The following LMAN1 variants were observed in gnomAD, a reference collection of about 807,000 sequenced individuals.
LMAN1 encodes lectin, mannose binding 1, also known as protein ERGIC-53.
Under a neutral mutation model 67.8 loss-of-function variants are expected in LMAN1, and 32 were observed. That is an observed-to-expected ratio of 0.47 (90% CI 0.36 to 0.63). The LOEUF is 0.63. LMAN1 is among the 30% of genes least tolerant of loss of function. The probability of loss-of-function intolerance (pLI) is 0.00; values close to 1 mark genes in which losing one functional copy is unlikely to be tolerated. For synonymous variants in LMAN1, 235 were observed against 219.3 expected (o/e 1.07, Z -0.63); for missense variants, 632 against 628.2 (o/e 1.01, Z -0.06).
At chr18:59,344,116 G>A (rs1908347656) in intron 8 of LMAN1, among the ~76,000 whole-genome samples, 1 of 152,090 alleles carries the variant, frequency 6.6e-6, no homozygotes, top group Admixed American at 6.5e-5. Flanking sequence ...AGTCACAATG[G>A]CCATTATTAA....
rs1908224144 is a variant in LMAN1, at chr18:59,338,872, T to C, written c.1037A>G (p.Lys346Arg). 6.2e-7 allele frequency: 1 copy of C among 1,613,752 alleles called. No homozygotes were observed. Among genetic ancestry groups the C allele is most frequent in the Non-Finnish European group, 8.5e-7 (1 of 1,179,942 alleles). ...CATATCTAACTGCCGGTTCAGCTGC[T>C]TGATTTCAAGATGAATACGATTCTG... ...EGQNRIHLEI[K>R]QLNRQLDMIL... is the part of the protein sequence containing the mutation. The change falls in exon 9 of 13, where the codon AAG becomes AGG. Residue 346 changes from lysine to arginine, a missense_variant. Transcript: ENST00000251047.
chr18:59,336,622 G>A (rs567319117), intron 10 of LMAN1, among the ~76,000 whole-genome samples: 5 of 152,294 alleles, frequency 3.3e-5, no homozygotes, highest in East Asian at 1.9e-4. Context: ...GGTGGCTCAC[G>A]CCTGTAATCC....
In LMAN1 at chr18:59,330,089, T is replaced by A. The variant is rs1465317891; in HGVS notation, c.*1004A>T. The A allele has an allele frequency of 1.3e-5, 2 of 152,544 alleles. No homozygotes were observed. The highest frequency in any genetic ancestry group is 2.9e-5 in the Non-Finnish European group (2 of 68,006). 9.4% of individuals were successfully genotyped at this position (152,544 alleles called of 1,614,324 possible). A position where few individuals can be genotyped will look rare whatever the true frequency, so the allele number is the denominator to read the frequency against. ...TAGAAGTATTCACTGTTTTTCAAATTTTGCCTTCAAGAATCTTAAAACTGC... is the reference window on the plus strand; with the variant it reads ...TAGAAGTATTCACTGTTTTTCAAATATTGCCTTCAAGAATCTTAAAACTGC... On this transcript the variant is annotated 3_prime_UTR_variant, in exon 13 of 13. Coordinates refer to ENST00000251047, the MANE Select transcript of LMAN1 (RefSeq NM_005570.4).
At chr18:59,340,128 A>G (rs1304194187) in intron 8 of LMAN1, among the ~76,000 whole-genome samples, 8 of 152,146 alleles carry the variant, frequency 5.3e-5, no homozygotes, top group Non-Finnish European at 8.8e-5. Context: ...ACAAGGCACA[A>G]TTTTGAGAGT....
rs117654271 is a variant in LMAN1 at position 59,358,204 on chromosome 18, T to C, written c.214+827A>G. On this transcript the variant is annotated intron_variant, in intron 1 of 12. Transcript: ENST00000251047. ...AGTAAATGCTCTAGCAAGGCTCTCT[T>C]ATCTACAAAAGTGCCAAACACAGAG... is the stretch of plus-strand genomic sequence containing the variant. Among the ~76,000 whole-genome samples, 131 of 152,340 alleles carry C rather than the reference T, an allele frequency of 8.6e-4. 1 individual carries two copies. In the East Asian group the frequency reaches 0.024, roughly 28 times the overall value.
chr18:59,328,301 A>G lies in LMAN1; in HGVS notation c.*2792T>C, dbSNP rs2070725565. ...ACAATCAGGAAGGCAAAGAAGCTTT[A>G]GCAGGCAGGCTTGAAGATGGGAGTT... On this transcript the variant is annotated 3_prime_UTR_variant, in exon 13 of 13. Coordinates refer to ENST00000251047, the MANE Select transcript of LMAN1 (RefSeq NM_005570.4). 6.6e-6 allele frequency: 1 copy of G among 152,214 alleles called. No homozygotes were observed. The highest frequency in any genetic ancestry group is 1.5e-5 in the Non-Finnish European group (1 of 68,042). The allele number at this position is 152,214 out of a possible 1,614,324, so 9.4% of individuals were successfully genotyped here. A position where few individuals can be genotyped will look rare whatever the true frequency, so the allele number is the denominator to read the frequency against.
chr18:59,339,882 T>A (rs916736275), intron 8 of LMAN1, among the ~76,000 whole-genome samples: 2 of 152,066 alleles, frequency 1.3e-5, no homozygotes, highest in African/African-American at 4.8e-5. Flanking sequence ...GGTGAAACAC[T>A]GAGAGTTTAA....
At chr18:59,355,936 T>C (rs2144233848) in intron 1 of LMAN1, among the ~76,000 whole-genome samples, 1 of 152,326 alleles carries the variant, frequency 6.6e-6, no homozygotes, top group South Asian at 2.1e-4. Flanking sequence ...CTGAGTCTCA[T>C]AACATTCTTT....
chr18:59,355,279 T>C, intron 3 of LMAN1, 34 bp downstream of exon 3: 9 of 1,469,018 alleles, frequency 6.1e-6, no homozygotes, highest in Non-Finnish European at 8.5e-6. Flanking sequence ...GATAGATGTA[T>C]TAAAGTGGAT....
rs930329717 is a variant in LMAN1 at position 59,327,935 on chromosome 18, G to A, written c.*3158C>T. ...GACAAAATGTTATCCAATTGAAATTGACAGTGGATAGAAAACCCTTTTAAA... is the reference window on the plus strand; with the variant it reads ...GACAAAATGTTATCCAATTGAAATTAACAGTGGATAGAAAACCCTTTTAAA... On this transcript the variant is annotated 3_prime_UTR_variant, in exon 13 of 13. Transcript: ENST00000251047. 6.6e-6 allele frequency: 1 copy of A among 151,864 alleles called. No homozygotes were observed. Among genetic ancestry groups the A allele is most frequent in the East Asian group, 1.9e-4 (1 of 5,192 alleles). The allele number at this position is 151,864 out of a possible 1,614,324, so 9.4% of individuals were successfully genotyped here. A position where few individuals can be genotyped will look rare whatever the true frequency, so the allele number is the denominator to read the frequency against.
chr18:59,357,516 T>A (rs1329404887), intron 1 of LMAN1, among the ~76,000 whole-genome samples: 1 of 152,214 alleles, frequency 6.6e-6, no homozygotes, highest in East Asian at 1.9e-4. Flanking sequence ...ATCATTTGCA[T>A]CACCTTTGTG....
In LMAN1 at chr18:59,330,879, T is replaced by G. The variant is rs999477804; in HGVS notation, c.*214A>C. 1.8e-6 allele frequency: 1 copy of G among 561,954 alleles called. No individual in the cohort carries two copies. Among genetic ancestry groups the G allele is most frequent in the African/African-American group, 1.9e-5 (1 of 52,716 alleles). 34.8% of individuals were successfully genotyped at this position (561,954 alleles called of 1,614,324 possible). Reference sequence around the variant, plus strand: ...GAGGCTGCATCATACTGACCAGAAATTCACTGAAATTTAGACAGATTTACA... The same window carrying G: ...GAGGCTGCATCATACTGACCAGAAAGTCACTGAAATTTAGACAGATTTACA... On this transcript the variant is annotated 3_prime_UTR_variant, in exon 13 of 13. Coordinates refer to ENST00000251047, the MANE Select transcript of LMAN1 (RefSeq NM_005570.4).
At chr18:59,358,267 T>C (rs1175377190) in intron 1 of LMAN1, among the ~76,000 whole-genome samples, 2 of 152,188 alleles carry the variant, frequency 1.3e-5, no homozygotes, top group African/African-American at 4.8e-5. Context: ...TTTCAATGCT[T>C]CCAATTTTTT....
intron 8 of LMAN1, among the ~76,000 whole-genome samples, chr18:59,341,220 C>T (rs762158293): frequency 8.6e-5 from 13 of 151,922 alleles, no homozygotes; most frequent in African/African-American, 2.4e-4. Flanking sequence ...ACAATTATTA[C>T]GAGACCTAAA....
intron 4 of LMAN1, among the ~76,000 whole-genome samples, chr18:59,354,079 T>C (rs977477386): frequency 1.3e-5 from 2 of 152,320 alleles, no homozygotes; most frequent in Admixed American, 6.5e-5. Context: ...ACTGAACACT[T>C]AGAATCTCTG....
chr18:59,331,513 T>C lies in LMAN1; in HGVS notation c.1401A>G (p.Pro467=), dbSNP rs1198689927. The C allele has an allele frequency of 2.5e-6, 4 of 1,613,220 alleles. No individual in the cohort carries two copies. The East Asian group carries it at 8.9e-5, about 36-fold the overall frequency. Residue 467 remains proline (P), a synonymous_variant, in exon 12 of 13, where the codon CCA becomes CCG. Transcript: ENST00000251047. ...AACATGATGGAAATGGTGGTAGTTC[T>C]GGGCATTTCGGCTTTTCATTTGATG... The part of the protein sequence containing the change: ...NMPSNEKPKC[P]ELPPFPSCLS...
At chr18:59,335,830 G>C (rs997809290) in intron 10 of LMAN1, among the ~76,000 whole-genome samples, 1 of 152,136 alleles carries the variant, frequency 6.6e-6, no homozygotes, top group Admixed American at 6.5e-5. Context: ...GAGATAAAAG[G>C]AACTTTACAT....
chr18:59,350,759 T>C lies in LMAN1; in HGVS notation c.640-1523A>G, dbSNP rs185046676. ...ATCCGCCCGCCTCGGCCTCCTAAAG[T>C]GCTAGGATTACATGTGTGAGCCACC... is the stretch of plus-strand genomic sequence containing the variant. On this transcript the variant is annotated intron_variant, in intron 5 of 12. Coordinates refer to ENST00000251047, the MANE Select transcript of LMAN1 (RefSeq NM_005570.4). 3.0e-4 allele frequency among the ~76,000 whole-genome samples: 46 copies of C among 152,276 alleles called. No homozygotes were observed. In the East Asian group the frequency reaches 7.5e-3, roughly 25 times the overall value.
At chr18:59,350,532 T>C (rs1369787173) in intron 5 of LMAN1, among the ~76,000 whole-genome samples, 1 of 152,230 alleles carries the variant, frequency 6.6e-6, no homozygotes, top group Non-Finnish European at 1.5e-5. Flanking sequence ...TCTCGCTCTG[T>C]CGCCCAGGCT....
Sources: allele counts gnomAD v4.1 joint callset (sites outside exome capture counted in the v4.1 genomes callset), GRCh38; gene constraint gnomAD v4.1.1; transcripts MANE v1.5; gene names NCBI Gene and HGNC (gene_info 2026-07-23, HGNC 2026-07-21).